Variants in SPIRE1 observed in about 807,000 individuals in gnomAD.
The protein encoded by SPIRE1 is protein spire homolog 1.
SPIRE1 carries 40 observed loss-of-function variants against 94.1 expected under a neutral mutation model. That is an observed-to-expected ratio of 0.43 (90% CI 0.33 to 0.55). The LOEUF (loss-of-function observed/expected upper bound fraction) is 0.55, where lower values mean the gene tolerates loss of function less well. Among genes scored for constraint, SPIRE1 ranks in the 20% least tolerant of loss-of-function variants. The probability of loss-of-function intolerance (pLI) is 0.06; values close to 1 mark genes in which losing one functional copy is unlikely to be tolerated. For synonymous variants in SPIRE1, 376 were observed against 371.7 expected (o/e 1.01, Z -0.13); for missense variants, 838 against 975.2 (o/e 0.86, Z 1.87).
intron 2 of SPIRE1, among the ~76,000 whole-genome samples, chr18:12,551,760 C>T (rs2035357259): frequency 6.6e-6 from 1 of 151,874 alleles, no homozygotes; most frequent in Non-Finnish European, 1.5e-5. Context: ...GAATAGACAG[C>T]TTTATTGATC....
chr18:12,565,525 C>T (rs888465953), intron 2 of SPIRE1, among the ~76,000 whole-genome samples: 6 of 151,986 alleles, frequency 3.9e-5, no homozygotes, highest in Admixed American at 1.3e-4. Context: ...CAGGTGCACA[C>T]CACCATGCCT....
intron 2 of SPIRE1, among the ~76,000 whole-genome samples, chr18:12,564,524 T>G (rs1460949788): frequency 6.6e-6 from 1 of 152,188 alleles, no homozygotes; most frequent in Non-Finnish European, 1.5e-5. Context: ...TACTCTATTC[T>G]GACAACAAGT....
rs563186685 is a variant in SPIRE1 at position 12,485,523 on chromosome 18, T to C, written c.1231+436A>G. On this transcript the variant is annotated intron_variant, in intron 9 of 16. Transcript: ENST00000409402. ...CTGAGGTGCTGTCATCTGAAGTAGA[T>C]AACCATTTTAAGTTTAGTTACTTAA... Among the ~76,000 whole-genome samples the C allele has an allele frequency of 2.6e-5, 4 of 152,344 alleles. No individual in the cohort carries two copies. In the South Asian group the frequency reaches 8.3e-4, roughly 32 times the overall value.
In SPIRE1 at chr18:12,454,378, T is replaced by C. The variant is rs2031402085; in HGVS notation, c.1744A>G (p.Lys582Glu). 6.2e-7 allele frequency: 1 copy of C among 1,614,064 alleles called. No individual in the cohort carries two copies. Among genetic ancestry groups the C allele is most frequent in the Non-Finnish European group, 8.5e-7 (1 of 1,180,002 alleles). ...TTTTTCAAGGCGGTGTAGATGTCTT[T>C]ATACTGTTGGTATTTTTCCAGCTCT... ...KAELEKYQQYKDIYTALKKGK... is the reference protein window; with the variant it reads ...KAELEKYQQYEDIYTALKKGK... Residue 582 changes from lysine to glutamate, a missense_variant, in exon 13 of 17, where the codon AAA (lysine) becomes GAA (glutamate). This residue lies in a region of SPIRE1 where 645 missense variants were observed against 804.7 expected (regional missense o/e 0.80). Coordinates refer to ENST00000409402, the MANE Select transcript of SPIRE1 (RefSeq NM_001128626.2).
At chr18:12,616,157 C>T (rs931887530) in intron 2 of SPIRE1, among the ~76,000 whole-genome samples, 4 of 152,212 alleles carry the variant, frequency 2.6e-5, no homozygotes, top group African/African-American at 9.7e-5. Flanking sequence ...TCCCTCTTCC[C>T]TTCCCAAGGT....
rs182300250 is a variant in SPIRE1 at position 12,546,360 on chromosome 18, C to T, written c.603+314G>A. Among the ~76,000 whole-genome samples the T allele has an allele frequency of 3.3e-3, 505 of 152,032 alleles. 4 individuals carry two copies. Among genetic ancestry groups the T allele is most frequent in the African/African-American group, 0.012 (483 of 41,494 alleles). On this transcript the variant is annotated intron_variant, in intron 3 of 16. Coordinates refer to ENST00000409402, the MANE Select transcript of SPIRE1 (RefSeq NM_001128626.2). ...TTTTTAAAAAATAACAGCTTGGACA[C>T]AGTGGCTCATTTCTGTAATCCCAGC...
chr18:12,537,672 T>C (rs2034880752), intron 3 of SPIRE1, among the ~76,000 whole-genome samples: 1 of 152,188 alleles, frequency 6.6e-6, no homozygotes, highest in African/African-American at 2.4e-5. Flanking sequence ...AGTTGCAGAA[T>C]ACATGATTAA....
chr18:12,610,102 T>C (rs552524508), intron 2 of SPIRE1, among the ~76,000 whole-genome samples: 31 of 150,170 alleles, frequency 2.1e-4, no homozygotes, highest in African/African-American at 7.5e-4. Flanking sequence ...CCAACTACCA[T>C]ATACCAACTG....
chr18:12,660,261 C>T (rs995244741), upstream of SPIRE1, among the ~76,000 whole-genome samples: 11 of 151,466 alleles, frequency 7.3e-5, no homozygotes, highest in Non-Finnish European at 1.2e-4. Context: ...CAAACTTTAT[C>T]TTTTAAAAGA....
intron 2 of SPIRE1, among the ~76,000 whole-genome samples, chr18:12,575,406 C>G (rs1185673446): frequency 6.6e-6 from 1 of 152,152 alleles, no homozygotes; most frequent in Non-Finnish European, 1.5e-5. Flanking sequence ...CAGTCTGTTG[C>G]CCAGGGTGGG....
chr18:12,452,636 T>C (rs904017868), intron 14 of SPIRE1, 124 bp from the exon 15 acceptor site: 3 of 977,792 alleles, frequency 3.1e-6, no homozygotes, highest in South Asian at 1.4e-5. Flanking sequence ...CCTTCTTCTA[T>C]TAGAATGTAA....
At chr18:12,537,104 T>C (rs2034865184) in intron 3 of SPIRE1, among the ~76,000 whole-genome samples, 1 of 152,198 alleles carries the variant, frequency 6.6e-6, no homozygotes, top group Non-Finnish European at 1.5e-5. Context: ...CTAGTTTGAA[T>C]AGGAAACCTT....
intron 2 of SPIRE1, among the ~76,000 whole-genome samples, chr18:12,597,387 G>A (rs1351687652): frequency 6.6e-6 from 1 of 152,154 alleles, no homozygotes; most frequent in East Asian, 1.9e-4. Context: ...AGCCTGGTGG[G>A]AGAGGGGCGT....
intron 3 of SPIRE1, among the ~76,000 whole-genome samples, chr18:12,536,600 G>C (rs987678184): frequency 1.3e-5 from 2 of 152,022 alleles, no homozygotes; most frequent in Non-Finnish European, 2.9e-5. Flanking sequence ...AGAGGGCAGA[G>C]GGCAATGTAA....
At chr18:12,460,484 G>A (rs113950338) in intron 12 of SPIRE1, among the ~76,000 whole-genome samples, 5,135 of 152,242 alleles carry the variant, frequency 0.034, 114 homozygotes, top group South Asian at 0.092. Flanking sequence ...AGGCCGAGGC[G>A]GGCAGATCAC....
chr18:12,602,079 G>A (rs1454361822), intron 2 of SPIRE1, among the ~76,000 whole-genome samples: 2 of 152,102 alleles, frequency 1.3e-5, no homozygotes, highest in East Asian at 1.9e-4. Flanking sequence ...ATGTCTGCAC[G>A]TGTGCACATA....
chr18:12,525,031 C>G lies in SPIRE1; in HGVS notation c.729+10445G>C, dbSNP rs113472959. ...GTGGCTCACGCCTGTAATCCCAGCA[C>G]TTTGGGAGGCCGAGGCAGGCAGATC... On this transcript the variant is annotated intron_variant, in intron 4 of 16. Transcript: ENST00000409402. Among the ~76,000 whole-genome samples the G allele has an allele frequency of 3.3e-5, 5 of 150,838 alleles. No individual in the cohort carries two copies. The East Asian group carries it at 9.7e-4, about 29-fold the overall frequency.
intron 3 of SPIRE1, among the ~76,000 whole-genome samples, chr18:12,544,799 A>T (rs1037068340): frequency 6.6e-6 from 1 of 152,256 alleles, no homozygotes; most frequent in Non-Finnish European, 1.5e-5. Context: ...AAGATATTTA[A>T]TGTCATTGAA....
intron 10 of SPIRE1, among the ~76,000 whole-genome samples, chr18:12,471,670 A>G (rs1401948335): frequency 1.3e-5 from 2 of 152,184 alleles, no homozygotes; most frequent in African/African-American, 4.8e-5. Context: ...TGAGAATACT[A>G]GCAAGTTCAT....
Sources: gnomAD v4.1 joint callset for allele counts (sites outside exome capture counted in the v4.1 genomes callset) on GRCh38, gnomAD v4.1.1 for gene constraint, gnomAD v4.1.1 regional missense constraint, MANE v1.5 for transcripts, NCBI Gene and HGNC (gene_info 2026-07-23, HGNC 2026-07-21) for gene names.